Variants in CREB3L2 observed in about 807,000 individuals in gnomAD.
CREB3L2 encodes the protein cyclic AMP-responsive element-binding protein 3-like protein 2.
In CREB3L2, 23 loss-of-function variants were observed where a neutral mutation model predicts 57.2. The observed-to-expected ratio is 0.40, with a 90% CI of 0.29 to 0.57. CREB3L2 has a LOEUF of 0.57. Among genes scored for constraint, CREB3L2 ranks in the 20% least tolerant of loss-of-function variants. The pLI is 0.42. For synonymous variants in CREB3L2, 268 were observed against 265.1 expected (o/e 1.01, Z -0.11); for missense variants, 628 against 634.7 (o/e 0.99, Z 0.11).
intron 1 of CREB3L2, among the ~76,000 whole-genome samples, chr7:137,949,922 T>C (rs1473244540): frequency 6.6e-6 from 1 of 152,216 alleles, no homozygotes; most frequent in Non-Finnish European, 1.5e-5. Context: ...AAGGATCTAT[T>C]GATAAGCTCC....
Position 137,985,510 on chromosome 7 carries a change from C to A in CREB3L2, c.102+16094G>T, listed in dbSNP as rs537082426. Among the ~76,000 whole-genome samples, 404 of 152,288 alleles carry A rather than the reference C, an allele frequency of 2.7e-3. 2 individuals carry two copies. The highest frequency in any genetic ancestry group is 9.4e-3 in the African/African-American group (389 of 41,556). On this transcript the variant is annotated intron_variant, in intron 1 of 11. Transcript: ENST00000330387. ...GCAGGCAGTAGCCCTACCAGGACTG[C>A]TCAGTGCCATCCTGCTGTCCCCTAC...
intron 11 of CREB3L2, among the ~76,000 whole-genome samples, chr7:137,881,832 A>G (rs1357903264): frequency 6.6e-6 from 1 of 152,226 alleles, no homozygotes; most frequent in Non-Finnish European, 1.5e-5. Flanking sequence ...GAAACAACTC[A>G]TGTAGAATTG....
intron 8 of CREB3L2, among the ~76,000 whole-genome samples, chr7:137,893,708 A>G (rs1335353724): frequency 5.3e-5 from 8 of 152,248 alleles, no homozygotes; most frequent in Admixed American, 2.0e-4. Context: ...CAAGAACAAG[A>G]AAAGTAGAGT....
chr7:137,909,074 T>C (rs1002064964), intron 4 of CREB3L2, among the ~76,000 whole-genome samples: 1 of 152,168 alleles, frequency 6.6e-6, no homozygotes, highest in Non-Finnish European at 1.5e-5. Context: ...CCCTCCAGCC[T>C]GGGTGACAGA....
intron 1 of CREB3L2, among the ~76,000 whole-genome samples, chr7:137,944,902 A>AT (rs1043859615): frequency 1.3e-5 from 2 of 149,694 alleles, no homozygotes; most frequent in Non-Finnish European, 3.0e-5. Context: ...TTTATTTTTT[A>AT]TTTTTTTTGA....
chr7:137,952,819 GT>G (rs952750882), intron 1 of CREB3L2, among the ~76,000 whole-genome samples: 2 of 151,782 alleles, frequency 1.3e-5, no homozygotes, highest in South Asian at 2.1e-4. Flanking sequence ...TTTTGTTTTT[GT>G]TTTTTTTAGA....
chr7:137,916,500 G>A (rs1800135864), intron 2 of CREB3L2, among the ~76,000 whole-genome samples: 1 of 152,156 alleles, frequency 6.6e-6, no homozygotes, highest in Non-Finnish European at 1.5e-5. Flanking sequence ...AGAATTGCTT[G>A]AGCCCATGAG....
intron 1 of CREB3L2, among the ~76,000 whole-genome samples, chr7:137,959,266 A>C (rs1427987222): frequency 6.6e-6 from 1 of 152,206 alleles, no homozygotes; most frequent in Non-Finnish European, 1.5e-5. Context: ...ACTGGGCCCC[A>C]AGAGTCTTTG....
At chr7:137,900,700 A>G (rs1799734045) in intron 8 of CREB3L2, among the ~76,000 whole-genome samples, 1 of 151,812 alleles carries the variant, frequency 6.6e-6, no homozygotes, top group South Asian at 2.1e-4. Flanking sequence ...GCTGCTCAGG[A>G]GGCTGAGGCA....
chr7:137,998,063 C>T (rs1205544733), intron 1 of CREB3L2, among the ~76,000 whole-genome samples: 1 of 152,082 alleles, frequency 6.6e-6, no homozygotes, highest in East Asian at 1.9e-4. Context: ...AAGAGGAAGC[C>T]CAGAGCTTTA....
rs372036796 is a variant in CREB3L2, at chr7:137,941,999, T to G, written c.103-13633A>C. Among the ~76,000 whole-genome samples the G allele has an allele frequency of 6.3e-4, 96 of 152,316 alleles. 2 individuals carry two copies. The highest frequency in any genetic ancestry group is 2.3e-3 in the African/African-American group (95 of 41,580). On this transcript the variant is annotated intron_variant, in intron 1 of 11. Transcript: ENST00000330387. ...TGCTTACCAGGGGGCTCATTTTCAGTTCATCAATTCATAATTGATTGATTG... is the reference window on the plus strand; with the variant it reads ...TGCTTACCAGGGGGCTCATTTTCAGGTCATCAATTCATAATTGATTGATTG...
chr7:137,945,682 A>C (rs1340782116), intron 1 of CREB3L2, among the ~76,000 whole-genome samples: 3 of 152,164 alleles, frequency 2.0e-5, no homozygotes, highest in Non-Finnish European at 4.4e-5. Context: ...TGTAGACAGC[A>C]ATCTGGACTA....
chr7:137,909,311 A>C (rs1799957989), intron 4 of CREB3L2, among the ~76,000 whole-genome samples: 1 of 152,150 alleles, frequency 6.6e-6, no homozygotes, highest in Non-Finnish European at 1.5e-5. Context: ...AGGAGGCACA[A>C]CACCCTCTCT....
intron 2 of CREB3L2, among the ~76,000 whole-genome samples, chr7:137,927,774 T>G (rs578012676): frequency 8.6e-6 from 1 of 116,222 alleles, no homozygotes; most frequent in African/African-American, 3.4e-5. Flanking sequence ...TATAGAGGAA[T>G]AGTTCTTTCT....
chr7:137,930,617 A>T (rs567988540), intron 1 of CREB3L2, among the ~76,000 whole-genome samples: 1 of 152,348 alleles, frequency 6.6e-6, no homozygotes, highest in African/African-American at 2.4e-5. Flanking sequence ...AAGAGTTAGA[A>T]CGGTGAAATT....
chr7:137,884,154 T>A (rs1365403055), intron 10 of CREB3L2: 2 of 151,956 alleles, frequency 1.3e-5, no homozygotes, highest in Admixed American at 6.6e-5. Context: ...TATAGGTGCA[T>A]GCACCACCAT....
chr7:137,923,436 T>G (rs1247888711), intron 2 of CREB3L2, among the ~76,000 whole-genome samples: 1 of 152,178 alleles, frequency 6.6e-6, no homozygotes, highest in Non-Finnish European at 1.5e-5. Context: ...CCCCAATCAC[T>G]GTCAGGTTCT....
intron 1 of CREB3L2, among the ~76,000 whole-genome samples, chr7:137,929,538 T>C (rs1800561487): frequency 6.6e-6 from 1 of 151,920 alleles, no homozygotes; most frequent in South Asian, 2.1e-4. Context: ...TTAGAATCAC[T>C]GCTATTGACT....
chr7:137,886,893 A>G (rs1799431153), intron 8 of CREB3L2, among the ~76,000 whole-genome samples: 1 of 152,138 alleles, frequency 6.6e-6, no homozygotes, highest in South Asian at 2.1e-4. Flanking sequence ...CAAGGCATAG[A>G]AAAGGATCTG....
Sources: gnomAD v4.1 joint callset for allele counts (sites outside exome capture counted in the v4.1 genomes callset) on GRCh38, gnomAD v4.1.1 for gene constraint, MANE v1.5 for transcripts, NCBI Gene and HGNC (gene_info 2026-07-23, HGNC 2026-07-21) for gene names.